Variants in ARB2A observed in about 807,000 individuals in gnomAD.
The protein encoded by ARB2A is cotranscriptional regulator ARB2A.
chr5:93,926,492 A>C, the ARB2A span, among the ~76,000 whole-genome samples: 2 of 151,964 alleles, frequency 1.3e-5, no homozygotes, highest in African/African-American at 4.8e-5. Context: ...AATGTGGCAT[A>C]CTTTAGTTTT....
At chr5:93,922,599 G>A in the ARB2A span, among the ~76,000 whole-genome samples, 2 of 121,400 alleles carry the variant, frequency 1.6e-5, no homozygotes, top group Admixed American at 8.4e-5. Context: ...AAGGGGAGGG[G>A]AGGGGAAGGG....
At chr5:93,969,189 A>T in the ARB2A span, among the ~76,000 whole-genome samples, 1 of 151,946 alleles carries the variant, frequency 6.6e-6, no homozygotes, top group African/African-American at 2.4e-5. Flanking sequence ...TTCTTATTTG[A>T]TCTAACAGAT....
At chr5:93,944,316 C>G in the ARB2A span, among the ~76,000 whole-genome samples, 1 of 152,046 alleles carries the variant, frequency 6.6e-6, no homozygotes, top group African/African-American at 2.4e-5. Context: ...AAAAGAAAAG[C>G]CAGACATGGT....
At chr5:93,906,689 G>C in the ARB2A span, among the ~76,000 whole-genome samples, 1 of 151,488 alleles carries the variant, frequency 6.6e-6, no homozygotes, top group Non-Finnish European at 1.5e-5. Flanking sequence ...CATGTTCAGT[G>C]CATTAAGACT....
the ARB2A span, among the ~76,000 whole-genome samples, chr5:94,038,356 T>C: frequency 6.6e-5 from 10 of 152,034 alleles, no homozygotes; most frequent in Non-Finnish European, 1.5e-5. Context: ...AGTACTAAAA[T>C]GGTACTTTGA....
chr5:93,903,170 C>T, the ARB2A span, among the ~76,000 whole-genome samples: 1 of 152,018 alleles, frequency 6.6e-6, no homozygotes, highest in East Asian at 1.9e-4. Flanking sequence ...CACCAGCAAA[C>T]GTATTTGGAC....
At chr5:93,812,791 A>T in the ARB2A span, among the ~76,000 whole-genome samples, 1 of 152,224 alleles carries the variant, frequency 6.6e-6, no homozygotes, top group Non-Finnish European at 1.5e-5. Flanking sequence ...AATATTGAAT[A>T]GCAATTTTTA....
the ARB2A span, among the ~76,000 whole-genome samples, chr5:93,653,205 A>G: frequency 6.6e-6 from 1 of 152,000 alleles, no homozygotes; most frequent in Non-Finnish European, 1.5e-5. Flanking sequence ...TATGAACTAG[A>G]TGTTTTCTTC....
chr5:93,762,923 A>C, the ARB2A span, among the ~76,000 whole-genome samples: 1 of 152,248 alleles, frequency 6.6e-6, no homozygotes, highest in African/African-American at 2.4e-5. Flanking sequence ...AAGAATTTTC[A>C]ACCCAGAATT....
chr5:93,976,207 T>C, the ARB2A span, among the ~76,000 whole-genome samples: 1 of 152,116 alleles, frequency 6.6e-6, no homozygotes, highest in African/African-American at 2.4e-5. Context: ...ATGCTTTCAT[T>C]AAATCCAACA....
the ARB2A span, among the ~76,000 whole-genome samples, chr5:93,803,862 AGCAGGTCCAT>A: frequency 6.6e-6 from 1 of 152,078 alleles, no homozygotes; most frequent in South Asian, 2.1e-4. Flanking sequence ...GGGAAAGGTA[AGCAGGTCCAT>A]GCCTGTTGCA....
chr5:93,856,387 G>A, the ARB2A span, among the ~76,000 whole-genome samples: 3 of 152,264 alleles, frequency 2.0e-5, no homozygotes, highest in Admixed American at 2.0e-4. Context: ...TTTCCAACTG[G>A]GTTCCATTCT....
chr5:93,793,544 T>C, the ARB2A span, among the ~76,000 whole-genome samples: 1 of 151,982 alleles, frequency 6.6e-6, no homozygotes, highest in Non-Finnish European at 1.5e-5. Context: ...CACATTCTCA[T>C]TCCCTGCACA....
the ARB2A span, among the ~76,000 whole-genome samples, chr5:94,004,998 CAAAAAAAAAAAAAAAAAA>C: frequency 9.7e-3 from 122 of 12,558 alleles, 3 homozygotes; most frequent in Admixed American, 0.12. Context: ...ATTTTATCAG[CAAAAAAAAAAAAAAAAAA>C]AAAAAAAAAA....
chr5:93,890,028 A>G, the ARB2A span, among the ~76,000 whole-genome samples: 1 of 151,954 alleles, frequency 6.6e-6, no homozygotes, highest in Non-Finnish European at 1.5e-5. Context: ...CTATGAGTTC[A>G]AATCTTTCAT....
the ARB2A span, among the ~76,000 whole-genome samples, chr5:93,842,476 A>G: frequency 6.6e-6 from 1 of 152,218 alleles, no homozygotes; most frequent in South Asian, 2.1e-4. Flanking sequence ...ATCTGAGTGG[A>G]TTATCTCCAC....
At chr5:93,953,799 T>C in the ARB2A span, among the ~76,000 whole-genome samples, 58 of 152,202 alleles carry the variant, frequency 3.8e-4, no homozygotes, top group Middle Eastern at 3.4e-3. Context: ...TCTAGGAACC[T>C]ACCCAGTTTT....
chr5:94,029,040 G>T, the ARB2A span, among the ~76,000 whole-genome samples: 1 of 152,082 alleles, frequency 6.6e-6, no homozygotes, highest in South Asian at 2.1e-4. Context: ...TAGAGTCTTG[G>T]TCTGTCACCC....
At chr5:94,028,306 A>G in the ARB2A span, among the ~76,000 whole-genome samples, 8 of 152,340 alleles carry the variant, frequency 5.3e-5, no homozygotes, top group African/African-American at 1.9e-4. Flanking sequence ...GTCTCTCACA[A>G]CACTCATCCA....
Sources: allele counts gnomAD v4.1 joint callset (sites outside exome capture counted in the v4.1 genomes callset), GRCh38; gene constraint gnomAD v4.1.1; transcripts MANE v1.5; gene names NCBI Gene and HGNC (gene_info 2026-07-23, HGNC 2026-07-21).